Variants in PIEZO2 observed in about 807,000 individuals in gnomAD.
The protein encoded by PIEZO2 is piezo-type mechanosensitive ion channel component 2.
PIEZO2 carries 172 observed loss-of-function variants against 337.3 expected under a neutral mutation model. The ratio of observed to expected loss-of-function variants is 0.51; its 90% CI spans 0.45 to 0.58. PIEZO2 has a LOEUF of 0.58. PIEZO2 is among the 20% of genes least tolerant of loss of function. The probability of loss-of-function intolerance (pLI) is 0.00; values close to 1 mark genes in which losing one functional copy is unlikely to be tolerated. For synonymous variants in PIEZO2, 1,251 were observed against 1,228.5 expected (o/e 1.02, Z -0.38); for missense variants, 3,028 against 3,391.3 (o/e 0.89, Z 2.66).
chr18:10,685,158 C>G (rs942582124), intron 49 of PIEZO2, among the ~76,000 whole-genome samples: 1 of 152,178 alleles, frequency 6.6e-6, no homozygotes, highest in African/African-American at 2.4e-5. Flanking sequence ...GTTTGTAAAG[C>G]CCCTGCAGCC....
At chr18:10,848,450 C>A (rs905660619) in intron 7 of PIEZO2, among the ~76,000 whole-genome samples, 36 of 151,198 alleles carry the variant, frequency 2.4e-4, no homozygotes, top group African/African-American at 5.8e-4. Flanking sequence ...CTTCACTAAA[C>A]AATTCATTTT....
chr18:10,682,091 GCA>G lies in PIEZO2; in HGVS notation c.7686+11_7686+12del. On this transcript the variant is annotated intron_variant, in intron 50 of 55. Transcript: ENST00000674853. This position sits in a 1 kb window ranked among gnomAD's most constrained non-coding sequence, Gnocchi z 5.6. ...GGCAAGGCTCTGGTAGGTGGGGTGT[GCA>G]CAGAGATCACCTGATACCCTCCCAG... The G allele has an allele frequency of 6.5e-7, 1 of 1,531,150 alleles. No homozygotes were observed. Among genetic ancestry groups the G allele is most frequent in the Admixed American group, 2.0e-5 (1 of 50,744 alleles). 94.8% of individuals were successfully genotyped at this position (1,531,150 alleles called of 1,614,324 possible).
chr18:11,022,073 TCAAA>T (rs1281764069), intron 2 of PIEZO2, among the ~76,000 whole-genome samples: 4 of 152,130 alleles, frequency 2.6e-5, no homozygotes, highest in Admixed American at 2.0e-4. Flanking sequence ...CTACTCTCAC[TCAAA>T]CAAACGGGCG....
intron 2 of PIEZO2, among the ~76,000 whole-genome samples, chr18:11,045,273 G>T (rs1420497591): frequency 7.8e-6 from 1 of 128,032 alleles, no homozygotes; most frequent in African/African-American, 3.0e-5. Flanking sequence ...TCCAGCCTGG[G>T]CGACAGAGTG....
chr18:10,718,499 C>T (rs914079105), intron 36 of PIEZO2, among the ~76,000 whole-genome samples: 1 of 152,194 alleles, frequency 6.6e-6, no homozygotes, highest in Non-Finnish European at 1.5e-5. Context: ...CCGGCCAGTA[C>T]TCGTGGGCTG....
In PIEZO2 at chr18:10,985,797, C is replaced by T. The variant is rs190975180; in HGVS notation, c.161-6137G>A. 3.9e-4 allele frequency among the ~76,000 whole-genome samples: 59 copies of T among 151,764 alleles called. No homozygotes were observed. The East Asian group carries it at 9.5e-3, about 24-fold the overall frequency. On this transcript the variant is annotated intron_variant, in intron 2 of 55. Transcript: ENST00000674853. ...AAAATCATCAAATCACAAAATAAGACAGGAAGAGAGAAAGAAGGGAGGAAA... is the reference window on the plus strand; with the variant it reads ...AAAATCATCAAATCACAAAATAAGATAGGAAGAGAGAAAGAAGGGAGGAAA...
intron 23 of PIEZO2, among the ~76,000 whole-genome samples, chr18:10,762,023 T>A (rs1393768583): frequency 6.6e-6 from 1 of 152,220 alleles, no homozygotes; most frequent in Non-Finnish European, 1.5e-5. Context: ...AAACTATAGA[T>A]AAACAGAATT....
At chr18:10,688,533 A>G (rs2034656535) in intron 49 of PIEZO2, among the ~76,000 whole-genome samples, 1 of 152,136 alleles carries the variant, frequency 6.6e-6, no homozygotes. Context: ...GATCCTTTGC[A>G]TGTACTTTGG....
chr18:10,884,195 G>A (rs1015320998), intron 4 of PIEZO2, among the ~76,000 whole-genome samples: 2 of 152,156 alleles, frequency 1.3e-5, no homozygotes, highest in African/African-American at 4.8e-5. Flanking sequence ...CTTATCTAAT[G>A]TCCTCTAGAT....
chr18:10,814,721 G>A (rs1211656399), intron 7 of PIEZO2, among the ~76,000 whole-genome samples: 1 of 152,080 alleles, frequency 6.6e-6, no homozygotes, highest in Non-Finnish European at 1.5e-5. Context: ...CAAGCATCCT[G>A]GGCTCCCTAT....
rs979858330 is a variant in PIEZO2 at position 11,038,819 on chromosome 18, A to T, written c.160+27308T>A. On this transcript the variant is annotated intron_variant, in intron 2 of 55. Transcript: ENST00000674853. This position sits in a 1 kb window ranked among gnomAD's most constrained non-coding sequence, Gnocchi z 4.1. ...GGTATAACGGTGAGACACAAATTAGATAACATATGAAACTTAAAAAATCTA... is the reference window on the plus strand; with the variant it reads ...GGTATAACGGTGAGACACAAATTAGTTAACATATGAAACTTAAAAAATCTA... Among the ~76,000 whole-genome samples the T allele has an allele frequency of 6.6e-6, 1 of 152,226 alleles. No homozygotes were observed. The highest frequency in any genetic ancestry group is 6.5e-5 in the Admixed American group (1 of 15,282).
chr18:10,805,638 CA>C (rs1365258963), intron 8 of PIEZO2, among the ~76,000 whole-genome samples: 1 of 152,186 alleles, frequency 6.6e-6, no homozygotes, highest in Non-Finnish European at 1.5e-5. Context: ...CTGGCACAGT[CA>C]AATTTTAGAA....
chr18:10,782,053 A>G (rs1256498271), intron 17 of PIEZO2, among the ~76,000 whole-genome samples: 1 of 150,034 alleles, frequency 6.7e-6, no homozygotes, highest in South Asian at 2.1e-4. Context: ...TACTCCCATG[A>G]GGAAGAGTTG....
At chr18:10,875,198 A>G (rs2042239219) in intron 4 of PIEZO2, among the ~76,000 whole-genome samples, 1 of 152,204 alleles carries the variant, frequency 6.6e-6, no homozygotes, top group Admixed American at 6.5e-5. Flanking sequence ...TGCTTGTGTT[A>G]AAGGTCTTAA....
chr18:11,101,546 A>G lies in PIEZO2; in HGVS notation c.65-35324T>C, dbSNP rs1051513501. 3.3e-5 allele frequency among the ~76,000 whole-genome samples: 5 copies of G among 152,372 alleles called. No individual in the cohort carries two copies. The highest frequency in any genetic ancestry group is 9.6e-5 in the African/African-American group (4 of 41,588). ...AAGCTGCCCAAAATTTAACATATCAATAATTCTTAAAAGACGTTCCAGTGT... is the reference window on the plus strand; with the variant it reads ...AAGCTGCCCAAAATTTAACATATCAGTAATTCTTAAAAGACGTTCCAGTGT... On this transcript the variant is annotated intron_variant, in intron 1 of 55. Transcript: ENST00000674853. This position sits in a 1 kb window ranked among gnomAD's most constrained non-coding sequence, Gnocchi z 4.4.
chr18:10,702,103 G>T lies in PIEZO2; in HGVS notation c.6327C>A (p.Asn2109Lys). The T allele has an allele frequency of 6.5e-7, 1 of 1,536,720 alleles. No homozygotes were observed. Among genetic ancestry groups the T allele is most frequent in the Non-Finnish European group, 8.7e-7 (1 of 1,146,780 alleles). Residue 2109 changes from asparagine (N) to lysine (K), a missense_variant, in exon 43 of 56, where the codon AAC becomes AAA. Asn to Lys is a moderately conservative substitution (Grantham distance 94). Around this residue, in one of 5 missense-constraint regions of PIEZO2, gnomAD observed 1,925 missense variants for 2,051.9 expected, o/e 0.94. Coordinates refer to ENST00000674853, the MANE Select transcript of PIEZO2 (RefSeq NM_001378183.1). ...TTGGGGGGTGATACGGTTTATCTTT[G>T]TTCACCTCCACATTCTTATTCCAGG... Reference protein sequence around the residue: ...FFPWNKNVEVNKDKPYHPPNI... With the variant: ...FFPWNKNVEVKKDKPYHPPNI...
At position 10,795,757 on chromosome 18, in the gene PIEZO2, C is replaced by A. The variant is rs951244916; in HGVS notation, c.1528-755G>T. Among the ~76,000 whole-genome samples the A allele has an allele frequency of 6.6e-6, 1 of 152,046 alleles. No individual in the cohort carries two copies. The highest frequency in any genetic ancestry group is 1.5e-5 in the Non-Finnish European group (1 of 68,028). ...GGAAACCGTGCCTAGGTTCTGTGTC[C>A]CTTGAGTTAAAGAATATTTTTATTT... On this transcript the variant is annotated intron_variant, in intron 12 of 55. Transcript: ENST00000674853. This position sits in a 1 kb window ranked among gnomAD's most constrained non-coding sequence, Gnocchi z 4.4.
rs1287676866 is a variant in PIEZO2 at position 10,726,233 on chromosome 18, C to T, written c.5029+5174G>A. 9.6e-6 allele frequency: 7 copies of T among 726,010 alleles called. No homozygotes were observed. In the East Asian group the frequency reaches 1.3e-4, roughly 14 times the overall value. 45.0% of individuals were successfully genotyped at this position (726,010 alleles called of 1,614,324 possible). A position where few individuals can be genotyped will look rare whatever the true frequency, so the allele number is the denominator to read the frequency against. ...AGGAGGGGCTTCACGCTGCCTGGGG[C>T]TGGAAGAGCTTGTGTGCGAGCCTGT... On this transcript the variant is annotated intron_variant, in intron 36 of 55. Coordinates refer to ENST00000674853, the MANE Select transcript of PIEZO2 (RefSeq NM_001378183.1). The surrounding 1 kb of genome is among the most constrained non-coding windows in gnomAD (Gnocchi z 5.9).
At chr18:10,921,632 GA>G (rs2031411588) in intron 3 of PIEZO2, among the ~76,000 whole-genome samples, 1 of 152,090 alleles carries the variant, frequency 6.6e-6, no homozygotes, top group Admixed American at 6.5e-5. Flanking sequence ...TGGGCACCTT[GA>G]AAAAAGAGCA....
Sources: allele counts gnomAD v4.1 joint callset (sites outside exome capture counted in the v4.1 genomes callset), GRCh38; gene constraint gnomAD v4.1.1; regional missense constraint gnomAD v4.1.1; non-coding constraint Gnocchi (gnomAD v3.1); transcripts MANE v1.5; gene names NCBI Gene and HGNC (gene_info 2026-07-23, HGNC 2026-07-21).